Variants in LINGO2 observed in about 807,000 individuals in gnomAD.
LINGO2 encodes leucine-rich repeat and immunoglobulin-like domain-containing nogo receptor-interacting protein 2.
LINGO2 carries 14 observed loss-of-function variants against 30.6 expected under a neutral mutation model. That is an observed-to-expected ratio of 0.46 (90% CI 0.30 to 0.72). LINGO2 has a LOEUF of 0.72. Among genes scored for constraint, LINGO2 ranks in the 30% least tolerant of loss-of-function variants. LINGO2 has a pLI of 0.07. For synonymous variants in LINGO2, 317 were observed against 288.5 expected, an observed-to-expected ratio of 1.10 and a Z score of -1.00; for missense variants, 729 against 751.7, an observed-to-expected ratio of 0.97 and a Z score of 0.35.
At chr9:28,598,276 C>T (rs1007639024) in intron 1 of LINGO2, among the ~76,000 whole-genome samples, 1 of 151,992 alleles carries the variant, frequency 6.6e-6, no homozygotes, top group African/African-American at 2.4e-5. Context: ...TTATATACAT[C>T]TTACACTCAT....
At chr9:29,074,653 T>TGCTCTTG in the LINGO2 span, among the ~76,000 whole-genome samples, 13 of 151,282 alleles carry the variant, frequency 8.6e-5, no homozygotes, top group Admixed American at 5.3e-4. Context: ...AAGTTACACA[T>TGCTCTTG]GCTCTTGATT....
At chr9:29,192,843 G>C in the LINGO2 span, among the ~76,000 whole-genome samples, 47 of 152,156 alleles carry the variant, frequency 3.1e-4, no homozygotes, top group Non-Finnish European at 5.6e-4. Context: ...ATTTCACAAA[G>C]GATGTTGGCT....
chr9:28,783,143 G>T, the LINGO2 span, among the ~76,000 whole-genome samples: 2 of 152,068 alleles, frequency 1.3e-5, no homozygotes, highest in Admixed American at 1.3e-4. Context: ...TCAACTTCTG[G>T]TGCTCAACTT....
the LINGO2 span, among the ~76,000 whole-genome samples, chr9:28,834,918 A>G: frequency 9.1e-3 from 1,387 of 152,316 alleles, 23 homozygotes; most frequent in African/African-American, 0.032. Flanking sequence ...CTTGTTTACT[A>G]TTTTATATCC....
intron 3 of LINGO2, among the ~76,000 whole-genome samples, chr9:28,303,204 T>C (rs751192865): frequency 1.3e-5 from 2 of 152,180 alleles, no homozygotes; most frequent in South Asian, 4.1e-4. Context: ...TATATGTGTG[T>C]GAATATGATT....
At chr9:28,786,352 C>A in the LINGO2 span, among the ~76,000 whole-genome samples, 2 of 152,110 alleles carry the variant, frequency 1.3e-5, no homozygotes, top group African/African-American at 2.4e-5. Flanking sequence ...AAAGGTAATT[C>A]ACCAGATGTA....
At chr9:28,317,693 T>A (rs1009055579) in intron 3 of LINGO2, among the ~76,000 whole-genome samples, 2 of 152,194 alleles carry the variant, frequency 1.3e-5, no homozygotes, top group East Asian at 3.8e-4. Flanking sequence ...TTTCTCCCTT[T>A]TCTACTGTTC....
intron 1 of LINGO2, among the ~76,000 whole-genome samples, chr9:28,657,931 G>GTTA (rs1324287303): frequency 5.3e-5 from 8 of 151,766 alleles, no homozygotes; most frequent in Non-Finnish European, 1.0e-4. Context: ...CCCACAAGTT[G>GTTA]TTATCTAATG....
the LINGO2 span, among the ~76,000 whole-genome samples, chr9:28,977,578 G>T: frequency 6.6e-6 from 1 of 151,878 alleles, no homozygotes; most frequent in Non-Finnish European, 1.5e-5. Context: ...TTGCTGCATT[G>T]CCCTGATGTA....
chr9:28,018,117 C>G (rs531331018), intron 4 of LINGO2, among the ~76,000 whole-genome samples: 1 of 152,224 alleles, frequency 6.6e-6, no homozygotes, highest in East Asian at 1.9e-4. Flanking sequence ...AAAGGGATAC[C>G]TAGTCAATAA....
intron 3 of LINGO2, among the ~76,000 whole-genome samples, chr9:28,370,132 T>G (rs1027826220): frequency 6.6e-6 from 1 of 152,138 alleles, no homozygotes; most frequent in African/African-American, 2.4e-5. Flanking sequence ...TTCCTAATCT[T>G]TCTTCTGTAT....
the LINGO2 span, among the ~76,000 whole-genome samples, chr9:28,863,121 T>G: frequency 6.6e-6 from 1 of 152,090 alleles, no homozygotes; most frequent in Non-Finnish European, 1.5e-5. Flanking sequence ...GTGATTTTTT[T>G]TGCCCACACC....
chr9:28,134,706 G>A (rs1296463657), intron 4 of LINGO2, among the ~76,000 whole-genome samples: 1 of 152,232 alleles, frequency 6.6e-6, no homozygotes, highest in Non-Finnish European at 1.5e-5. Flanking sequence ...GAGAGCAGTT[G>A]CCAAGGTGAT....
chr9:28,185,317 A>G (rs1479396535), intron 4 of LINGO2, among the ~76,000 whole-genome samples: 1 of 152,164 alleles, frequency 6.6e-6, no homozygotes, highest in African/African-American at 2.4e-5. Flanking sequence ...TCCTTATGTT[A>G]CTTTACTATT....
chr9:28,297,914 C>T (rs184863623), intron 3 of LINGO2, among the ~76,000 whole-genome samples: 37 of 152,154 alleles, frequency 2.4e-4, no homozygotes, highest in African/African-American at 6.0e-4. Context: ...TTTGTGTGTG[C>T]GGGGGTAGGG....
the LINGO2 span, among the ~76,000 whole-genome samples, chr9:28,784,042 C>A: frequency 6.6e-6 from 1 of 152,216 alleles, no homozygotes; most frequent in African/African-American, 2.4e-5. Flanking sequence ...CCATCTCATT[C>A]GGGTTTATAA....
chr9:28,805,966 T>A, the LINGO2 span, among the ~76,000 whole-genome samples: 1 of 152,138 alleles, frequency 6.6e-6, no homozygotes, highest in African/African-American at 2.4e-5. Context: ...GTATAAAATA[T>A]CCTTGAAAAT....
At chr9:28,765,686 A>T in the LINGO2 span, among the ~76,000 whole-genome samples, 609 of 152,070 alleles carry the variant, frequency 4.0e-3, 17 homozygotes, top group Admixed American at 0.03. Context: ...GGTGGCAGAA[A>T]ATTTCTCACC....
At chr9:28,363,128 G>A (rs1466591457) in intron 3 of LINGO2, among the ~76,000 whole-genome samples, 1 of 152,050 alleles carries the variant, frequency 6.6e-6, no homozygotes, top group African/African-American at 2.4e-5. Context: ...TCCATTTTGT[G>A]GATAAGGAAA....
Sources: allele counts gnomAD v4.1 joint callset (sites outside exome capture counted in the v4.1 genomes callset), GRCh38; gene constraint gnomAD v4.1.1; transcripts MANE v1.5; gene names NCBI Gene and HGNC (gene_info 2026-07-23, HGNC 2026-07-21).